CLMN: variants seen among roughly 807,000 people sequenced by gnomAD.
CLMN encodes calmin (calponin-like, transmembrane).
In CLMN, 57 loss-of-function variants were observed where a neutral mutation model predicts 92.7. That is an observed-to-expected ratio of 0.61 (90% CI 0.50 to 0.77). The LOEUF (loss-of-function observed/expected upper bound fraction) is 0.77, where lower values mean the gene tolerates loss of function less well. Ranked by LOEUF, CLMN falls within the 30% of genes least tolerant of loss-of-function variation. The probability of loss-of-function intolerance (pLI) is 0.00; values close to 1 mark genes in which losing one functional copy is unlikely to be tolerated. For synonymous variants in CLMN, 466 were observed against 470.6 expected (o/e 0.99, Z 0.13); for missense variants, 1,158 against 1,237.5 (o/e 0.94, Z 0.96).
intron 1 of CLMN, among the ~76,000 whole-genome samples, chr14:95,301,756 A>G (rs571329887): frequency 2.0e-5 from 3 of 152,244 alleles, no homozygotes; most frequent in Admixed American, 1.3e-4. Context: ...CCTCCACCCA[A>G]CGCAAAGTCC....
intron 1 of CLMN, among the ~76,000 whole-genome samples, chr14:95,268,611 A>G (rs1224626856): frequency 6.6e-6 from 1 of 152,046 alleles, no homozygotes; most frequent in East Asian, 1.9e-4. Flanking sequence ...ATAGGTGCTA[A>G]GATTTCCTAG....
In CLMN at chr14:95,213,251, G is replaced by A. The variant is rs1367764313; in HGVS notation, c.576C>T (p.Ala192=). The change falls in exon 6 of 13, where the codon GCC becomes GCT. Residue 192 remains alanine, a synonymous_variant. Transcript: ENST00000298912. ...SVKDQRKAIK[A]LLAWVQRKTR... is the part of the protein sequence containing the mutation. ...TTTTCCTCTGCACCCACGCCAACAG[G>A]GCCTTGATAGCCTTCCTCTGGTCTT... 19 of 1,613,884 alleles carry A rather than the reference G, an allele frequency of 1.2e-5. No homozygotes were observed. Among genetic ancestry groups the A allele is most frequent in the Non-Finnish European group, 1.3e-5 (15 of 1,179,988 alleles).
At chr14:95,228,111 C>A (rs539574302) in intron 2 of CLMN, among the ~76,000 whole-genome samples, 1 of 151,934 alleles carries the variant, frequency 6.6e-6, no homozygotes, top group South Asian at 2.1e-4. Flanking sequence ...TGAGTGGGTG[C>A]GGGTATATTC....
intron 1 of CLMN, among the ~76,000 whole-genome samples, chr14:95,283,110 G>A (rs1035069153): frequency 6.6e-6 from 1 of 152,228 alleles, no homozygotes; most frequent in Admixed American, 6.5e-5. Flanking sequence ...ATTCCCACAT[G>A]TTGTGAGAGG....
At chr14:95,245,270 T>TATATATATATATAATA (rs1427351722) in intron 1 of CLMN, among the ~76,000 whole-genome samples, 2 of 53,728 alleles carry the variant, frequency 3.7e-5, no homozygotes, top group African/African-American at 8.8e-5. Context: ...TATATATATA[T>TATATATATATATAATA]TATATATATA....
chr14:95,268,760 G>A (rs578180278), intron 1 of CLMN, among the ~76,000 whole-genome samples: 196 of 144,046 alleles, frequency 1.4e-3, no homozygotes, highest in Non-Finnish European at 2.4e-3. Context: ...GCAGAAACTA[G>A]TGAGGGTATA....
At chr14:95,228,458 A>T (rs1399735410) in intron 2 of CLMN, among the ~76,000 whole-genome samples, 1 of 152,190 alleles carries the variant, frequency 6.6e-6, no homozygotes, top group Non-Finnish European at 1.5e-5. Context: ...ACTGCGTCAC[A>T]TGTTCTACAC....
At position 95,203,277 on chromosome 14, in the gene CLMN, G is replaced by T; in HGVS notation, c.2072C>A (p.Pro691Gln). The T allele has an allele frequency of 6.2e-7, 1 of 1,613,972 alleles. No homozygotes were observed. Residue 691 changes from proline (P) to glutamine (Q), a missense_variant, in exon 9 of 13, where the codon CCA (proline) becomes CAA (glutamine). Transcript: ENST00000298912. Reference sequence around the variant, plus strand: ...GGTCTCCAAGCTGACACAGCTGCTTGGGGGGCTGGAAGATAATTCCTCGCC... The same window carrying T: ...GGTCTCCAAGCTGACACAGCTGCTTTGGGGGCTGGAAGATAATTCCTCGCC... ...GVGEELSSSP[P>Q]SSCVSLETLG...
At position 95,188,724 on chromosome 14, in the gene CLMN, T is replaced by C. The variant is rs1354231746; in HGVS notation, c.*2840A>G. On this transcript the variant is annotated 3_prime_UTR_variant, in exon 13 of 13. Coordinates refer to ENST00000298912, the MANE Select transcript of CLMN (RefSeq NM_024734.4). ...CCAAGAATAAAGAGATCTTAAATGTTTCCAGGAAGGGTGGATAAAAAAACC... is the reference window on the plus strand; with the variant it reads ...CCAAGAATAAAGAGATCTTAAATGTCTCCAGGAAGGGTGGATAAAAAAACC... The C allele has an allele frequency of 1.3e-5, 2 of 152,090 alleles. No individual in the cohort carries two copies. Among genetic ancestry groups the C allele is most frequent in the African/African-American group, 4.8e-5 (2 of 41,382 alleles). 9.4% of individuals were successfully genotyped at this position (152,090 alleles called of 1,614,324 possible). A position where few individuals can be genotyped will look rare whatever the true frequency, so the allele number is the denominator to read the frequency against.
rs755257266 is a variant in CLMN at position 95,210,758 on chromosome 14, G to A, written c.730C>T (p.Arg244Ter). Residue 244 changes from arginine (R) to a stop codon, truncating the protein, a stop_gained, in exon 7 of 13, where the codon CGA becomes TGA. Coordinates refer to ENST00000298912, the MANE Select transcript of CLMN (RefSeq NM_024734.4). LOFTEE classifies it high-confidence loss of function. ...CTGAAAGCCTTCTCTAGATTTTCTC[G>A]TGTGGAATTTTCCAGGGCCTGTTTC... is the stretch of plus-strand genomic sequence containing the variant. The part of the protein sequence containing the change: ...DMKQALENST[R>*]ENLEKAFSIA... 10 of 1,608,694 alleles carry A rather than the reference G, an allele frequency of 6.2e-6. No homozygotes were observed. Among genetic ancestry groups the A allele is most frequent in the African/African-American group, 5.4e-5 (4 of 74,242 alleles).
chr14:95,277,368 A>G (rs754501861), intron 1 of CLMN, among the ~76,000 whole-genome samples: 9 of 152,206 alleles, frequency 5.9e-5, no homozygotes, highest in Non-Finnish European at 1.3e-4. Context: ...AAACTGGATG[A>G]GGTTTCCCTC....
intron 1 of CLMN, among the ~76,000 whole-genome samples, chr14:95,237,231 C>T (rs933575754): frequency 1.3e-5 from 2 of 152,222 alleles, no homozygotes; most frequent in South Asian, 2.1e-4. Context: ...CAGCACATCA[C>T]GGCCATGCAC....
intron 1 of CLMN, among the ~76,000 whole-genome samples, chr14:95,309,959 A>C (rs915604453): frequency 6.6e-6 from 1 of 152,242 alleles, no homozygotes; most frequent in African/African-American, 2.4e-5. Flanking sequence ...TTACCAGCTA[A>C]AACCAAGGTT....
chr14:95,317,795 T>C (rs1001714469), intron 1 of CLMN, among the ~76,000 whole-genome samples: 1 of 152,214 alleles, frequency 6.6e-6, no homozygotes, highest in African/African-American at 2.4e-5. Flanking sequence ...GGTTGTTACA[T>C]AGATGTACTC....
At chr14:95,268,958 C>T (rs949862391) in intron 1 of CLMN, among the ~76,000 whole-genome samples, 3 of 151,862 alleles carry the variant, frequency 2.0e-5, no homozygotes, top group Non-Finnish European at 4.4e-5. Flanking sequence ...CACGTGCCAC[C>T]ATACCGAGCT....
intron 12 of CLMN, 44 bp downstream of exon 12, chr14:95,193,805 C>T (rs376122755): frequency 4.4e-4 from 712 of 1,608,884 alleles, no homozygotes; most frequent in Admixed American, 6.3e-4. Flanking sequence ...AATGTAAAAA[C>T]ATTTTATTAC....
intron 1 of CLMN, among the ~76,000 whole-genome samples, chr14:95,267,536 G>C (rs1899522221): frequency 6.6e-6 from 1 of 152,208 alleles, no homozygotes. Flanking sequence ...GGAAATAACG[G>C]ATGCTGGTGA....
chr14:95,221,925 C>T, intron 3 of CLMN, 151 bp from the exon 4 acceptor site: 1 of 648,758 alleles, frequency 1.5e-6, no homozygotes, highest in East Asian at 2.8e-5. Context: ...GGAATGCATC[C>T]AAACCCACAC....
At chr14:95,300,024 C>T (rs1201995742) in intron 1 of CLMN, among the ~76,000 whole-genome samples, 2 of 152,248 alleles carry the variant, frequency 1.3e-5, no homozygotes, top group African/African-American at 4.8e-5. Flanking sequence ...GGAAATTTCA[C>T]CCCAACATAG....
Sources: gnomAD v4.1 joint callset for allele counts (sites outside exome capture counted in the v4.1 genomes callset) on GRCh38, gnomAD v4.1.1 for gene constraint, MANE v1.5 for transcripts, NCBI Gene and HGNC (gene_info 2026-07-23, HGNC 2026-07-21) for gene names.